The following A2M variants were observed in gnomAD, a reference collection of about 807,000 sequenced individuals.
The protein encoded by A2M is alpha-2-macroglobulin, also known as C3 and PZP-like alpha-2-macroglobulin domain-containing protein 5.
In A2M, 128 loss-of-function variants were observed where a neutral mutation model predicts 183.9. The ratio of observed to expected loss-of-function variants is 0.70; its 90% confidence interval spans 0.60 to 0.81. The LOEUF (loss-of-function observed/expected upper bound fraction) is 0.81. Among genes scored for constraint, A2M ranks in the 30% least tolerant of loss-of-function variants. The pLI, the probability that A2M is intolerant of heterozygous loss-of-function variation, is 0.00. For synonymous variants in A2M, 592 were observed against 670.8 expected, an observed-to-expected ratio of 0.88 and a Z score of 1.81; for missense variants, 1,495 against 1,787.6, an observed-to-expected ratio of 0.84 and a Z score of 2.95.
chr12:9,095,590 T>A lies in A2M; in HGVS notation c.1962A>T (p.Thr654=). Residue 654 remains threonine, a synonymous_variant, in exon 16 of 36, where the codon ACA becomes ACT. Transcript: ENST00000318602. The stretch of plus-strand genomic sequence containing the variant: ...CATTTGTACTTGATACTGGAGTATA[T>A]GTGATTCCATTAATATAGACATTAT... ...NRHNVYINGI[T]YTPVSSTNEK... 6.2e-7 allele frequency: 1 copy of A among 1,612,318 alleles called. No individual in the cohort carries two copies. The highest frequency in any genetic ancestry group is 8.5e-7 in the Non-Finnish European group (1 of 1,178,450).
Position 9,077,517 on chromosome 12 carries a change from C to T in A2M, c.3277-97G>A, listed in dbSNP as rs2137689475. ...CTGTGTCATGGAATTCATCCTTACC[C>T]ATATCCATCCCTATAGGGCAAAGTA... On this transcript the variant is annotated intron_variant, in intron 26 of 35. Coordinates refer to ENST00000318602, the MANE Select transcript of A2M (RefSeq NM_000014.6). 2.0e-6 allele frequency: 3 copies of T among 1,464,110 alleles called. No homozygotes were observed. In the South Asian group the frequency reaches 3.6e-5, roughly 18 times the overall value. The allele number at this position is 1,464,110 out of a possible 1,614,324, so 90.7% of individuals were successfully genotyped here.
In A2M at chr12:9,099,478, G is replaced by A; in HGVS notation, c.1604C>T (p.Ala535Val). 1 of 1,610,064 alleles carries A rather than the reference G, an allele frequency of 6.2e-7. No individual in the cohort carries two copies. The highest frequency in any genetic ancestry group is 8.5e-7 in the Non-Finnish European group (1 of 1,178,220). The change falls in exon 14 of 36, where the codon GCT becomes GTT. Residue 535 changes from alanine (A) to valine (V), a missense_variant. Transcript: ENST00000318602. The stretch of plus-strand genomic sequence containing the variant: ...ATAGATGAGCAACCGAGCGACAGGA[G>A]CAATGTCTGACTTCACAGGGATTGA... ...SISIPVKSDI[A>V]PVARLLIYAV... is the part of the protein sequence containing the mutation.
chr12:9,115,905 A>G lies in A2M; in HGVS notation c.-56T>C. 1 of 1,442,008 alleles carries G rather than the reference A, an allele frequency of 6.9e-7. No individual in the cohort carries two copies. 89.3% of individuals were successfully genotyped at this position (1,442,008 alleles called of 1,614,324 possible). A position where few individuals can be genotyped will look rare whatever the true frequency, so the allele number is the denominator to read the frequency against. On this transcript the variant is annotated 5_prime_UTR_variant, in exon 1 of 36. Coordinates refer to ENST00000318602, the MANE Select transcript of A2M (RefSeq NM_000014.6). ...GACTGTATTGTACCCTACTCCCTAC[A>G]ATCCATCTGGTCCCAAACACTTCCC...
In A2M at chr12:9,113,528, C is replaced by T; in HGVS notation, c.102G>A (p.Leu34=). 6.2e-7 allele frequency: 1 copy of T among 1,613,728 alleles called. No individual in the cohort carries two copies. Among genetic ancestry groups the T allele is most frequent in the African/African-American group, 1.3e-5 (1 of 74,938 alleles). Residue 34 remains leucine (L), a synonymous_variant, in exon 2 of 36, where the codon CTG becomes CTA. Transcript: ENST00000318602. ...TCTCAGTGTGGAGCAGGGAGGGGAC[C>T]AGAACCATATACTGCCTGGGAATGA... ...SVSGKPQYMV[L]VPSLLHTETT...
chr12:9,077,566 C>T (rs1948783558), intron 26 of A2M, 135 bp downstream of exon 26: 2 of 1,482,558 alleles, frequency 1.3e-6, no homozygotes, highest in Non-Finnish European at 1.8e-6. Context: ...TTGTTCTATC[C>T]CCTCTTTTTT....
intron 34 of A2M, among the ~76,000 whole-genome samples, 163 bp downstream of exon 34, chr12:9,068,577 A>G (rs1465787547): frequency 6.6e-6 from 1 of 152,206 alleles, no homozygotes; most frequent in Non-Finnish European, 1.5e-5. Flanking sequence ...TGTTTCTATA[A>G]TGTATGTATA....
intron 29 of A2M, 150 bp downstream of exon 29, chr12:9,074,410 T>C (rs747991483): frequency 1.3e-6 from 1 of 783,076 alleles, no homozygotes; most frequent in African/African-American, 1.8e-5. Context: ...TGATTTGCTT[T>C]TATTTCCATT....
intron 11 of A2M, among the ~76,000 whole-genome samples, chr12:9,102,791 T>A (rs892792147): frequency 1.4e-4 from 21 of 152,212 alleles, no homozygotes; most frequent in Admixed American, 3.9e-4. Context: ...ACTAGCACAG[T>A]GCTGGCACGT....
intron 7 of A2M, 21 bp from the exon 8 acceptor site, chr12:9,107,665 A>G: frequency 6.2e-7 from 1 of 1,612,300 alleles, no homozygotes; most frequent in South Asian, 1.1e-5. Flanking sequence ...AACATTCCCA[A>G]AGGAATCAGA....
rs981749839 is a variant in A2M, at chr12:9,090,524, A to G, written c.2470-42T>C. ...GAAAGGGAGTAGAGAGGGAAGGAGA[A>G]CAGAGGGAGAATGGGTTTGAAGTAA... On this transcript the variant is annotated intron_variant, in intron 19 of 35. Coordinates refer to ENST00000318602, the MANE Select transcript of A2M (RefSeq NM_000014.6). 4 of 1,601,732 alleles carry G rather than the reference A, an allele frequency of 2.5e-6. No individual in the cohort carries two copies. The African/African-American group carries it at 5.4e-5, about 21-fold the overall frequency.
At chr12:9,071,406 T>C (rs1948574208) in intron 31 of A2M, among the ~76,000 whole-genome samples, 2 of 152,206 alleles carry the variant, frequency 1.3e-5, no homozygotes, top group South Asian at 4.2e-4. Context: ...TTTTGGCATA[T>C]ATATACACCA....
At chr12:9,087,995 G>T (rs1949099329) in intron 22 of A2M, among the ~76,000 whole-genome samples, 1 of 152,086 alleles carries the variant, frequency 6.6e-6, no homozygotes, top group Non-Finnish European at 1.5e-5. Flanking sequence ...AAGCAGAATT[G>T]TGATGTATTT....
At chr12:9,073,483 T>G (rs1223801380) in intron 29 of A2M, among the ~76,000 whole-genome samples, 1 of 152,248 alleles carries the variant, frequency 6.6e-6, no homozygotes, top group African/African-American at 2.4e-5. Context: ...TCAACAACAT[T>G]AAACCTGCTT....
chr12:9,073,620 T>A (rs1948646985), intron 29 of A2M, among the ~76,000 whole-genome samples: 1 of 152,206 alleles, frequency 6.6e-6, no homozygotes, highest in Non-Finnish European at 1.5e-5. Context: ...TTTTGTCACA[T>A]TTTTTCCGTT....
Position 9,087,138 on chromosome 12 carries a change from G to GA in A2M, c.2770+2061dup, listed in dbSNP as rs36153951. Reference sequence around the variant, plus strand: ...GAAATCAAAGAGAACACAAATAAATGAAAAAAAATACAATGTTCATGGATT... The same window carrying GA: ...GAAATCAAAGAGAACACAAATAAATGAAAAAAAAATACAATGTTCATGGATT... On this transcript the variant is annotated intron_variant, in intron 22 of 35. Transcript: ENST00000318602. Among the ~76,000 whole-genome samples the GA allele has an allele frequency of 7.9e-5, 12 of 151,712 alleles. No homozygotes were observed. The South Asian group carries it at 1.9e-3, about 24-fold the overall frequency.
intron 22 of A2M, among the ~76,000 whole-genome samples, chr12:9,083,169 T>G (rs1381224722): frequency 1.3e-5 from 2 of 151,916 alleles, no homozygotes; most frequent in African/African-American, 4.8e-5. Flanking sequence ...ATGTTCTCAC[T>G]CATAGGTGGG....
rs755290004 is a variant in A2M at position 9,110,029 on chromosome 12, T to G, written c.511A>C (p.Lys171Gln). Residue 171 changes from lysine (K) to glutamine (Q), a missense_variant, in exon 6 of 36, where the codon AAA becomes CAA. Transcript: ENST00000318602. ...LIPLVYIQDP[K>Q]GNRIAQWQSF... Reference sequence around the variant, plus strand: ...TGCCATTGTGCGATGCGATTTCCTTTGGGATCCTATATGAGTAAATTAATT... The same window carrying G: ...TGCCATTGTGCGATGCGATTTCCTTGGGGATCCTATATGAGTAAATTAATT... The G allele has an allele frequency of 1.2e-6, 2 of 1,610,538 alleles. No homozygotes were observed.
Position 9,079,649 on chromosome 12 carries a change from A to G in A2M, c.3021T>C (p.Tyr1007=). 6.2e-7 allele frequency: 1 copy of G among 1,613,060 alleles called. No homozygotes were observed. The highest frequency in any genetic ancestry group is 8.5e-7 in the Non-Finnish European group (1 of 1,179,384). The change falls in exon 24 of 36, where the codon TAT becomes TAC. Residue 1007 remains tyrosine, a synonymous_variant. Transcript: ENST00000318602. ...CAAGTAATCACTCACCAGTGTTGAG[A>G]TAGCCAATGGCCTTGGACTTGATCT... ...TPEIKSKAIG[Y]LNTGYQRQLN...
Position 9,090,117 on chromosome 12 carries a change from T to C in A2M, c.2597-94A>G, listed in dbSNP as rs116658116. The C allele has an allele frequency of 4.3e-3, 6,460 of 1,519,086 alleles. 225 individuals are homozygous for C. In the African/African-American group the frequency reaches 0.076, roughly 18 times the overall value. The allele number at this position is 1,519,086 out of a possible 1,614,324, so 94.1% of individuals were successfully genotyped here. A position where few individuals can be genotyped will look rare whatever the true frequency, so the allele number is the denominator to read the frequency against. On this transcript the variant is annotated intron_variant, in intron 20 of 35. Transcript: ENST00000318602. Reference sequence around the variant, plus strand: ...AGAAATGTTCAATGCTCTGTAAACTTTTGTTTTATTAAAACACAGAAGCAG... The same window carrying C: ...AGAAATGTTCAATGCTCTGTAAACTCTTGTTTTATTAAAACACAGAAGCAG...
Sources: gnomAD v4.1 joint callset for allele counts (sites outside exome capture counted in the v4.1 genomes callset) on GRCh38, gnomAD v4.1.1 for gene constraint, MANE v1.5 for transcripts, NCBI Gene and HGNC (gene_info 2026-07-23, HGNC 2026-07-21) for gene names.